The following C2 variants were observed in gnomAD, a reference collection of about 807,000 sequenced individuals.
C2 encodes the protein C3/C5 convertase.
A neutral mutation model predicts 85.2 loss-of-function variants in C2; 64 were observed. That is an observed-to-expected ratio of 0.75 (90% confidence interval 0.61 to 0.92). The LOEUF (loss-of-function observed/expected upper bound fraction) is 0.92, where lower values mean the gene tolerates loss of function less well. C2 is among the 40% of genes least tolerant of loss of function. The pLI is 0.00. For synonymous variants in C2, 311 were observed against 370.8 expected (o/e 0.84, Z 1.85); for missense variants, 820 against 971.6 (o/e 0.84, Z 2.07).
At chr6:31,907,925 CA>C (rs1409879875) in intron 1 of C2, among the ~76,000 whole-genome samples, 3 of 140,462 alleles carry the variant, frequency 2.1e-5, no homozygotes, top group Admixed American at 8.0e-5. Flanking sequence ...CAGCTCACTG[CA>C]ACCTCTGCTT....
upstream of C2, among the ~76,000 whole-genome samples, chr6:31,917,497 G>A (rs1768623056): frequency 1.3e-5 from 2 of 151,974 alleles, no homozygotes; most frequent in South Asian, 2.1e-4. Flanking sequence ...AGAGAGGGAG[G>A]GAGTGTGGGT....
At chr6:31,917,406 C>T (rs1768618056), upstream of C2, among the ~76,000 whole-genome samples, 2 of 151,940 alleles carry the variant, frequency 1.3e-5, no homozygotes, top group African/African-American at 2.4e-5. Context: ...GCCTAATGTT[C>T]TCACTTATAA....
Position 31,907,422 on chromosome 6 carries a change from GA to G in C2, c.73+6295del, listed in dbSNP as rs1330499515. 2.1e-3 allele frequency among the ~76,000 whole-genome samples: 299 copies of G among 141,826 alleles called. 3 individuals carry two copies. Among genetic ancestry groups the G allele is most frequent in the African/African-American group, 5.0e-3 (195 of 38,764 alleles). The allele number at this position is 141,826 out of a possible 152,430, so 93.0% of individuals were successfully genotyped here. The stretch of plus-strand genomic sequence containing the variant: ...GGCAACAAGGCAAAACCCAGTCTCA[GA>G]AAAAAAAAAAATAGCTGTGGGAGGT... On this transcript the variant is annotated intron_variant, in intron 1 of 3. Transcript: ENST00000452202.
At chr6:31,929,596 G>A (rs770089607) in intron 3 of C2, among the ~76,000 whole-genome samples, 1 of 151,508 alleles carries the variant, frequency 6.6e-6, no homozygotes, top group Non-Finnish European at 1.5e-5. Flanking sequence ...GCGCATGCCT[G>A]TAATACCAGC....
intron 6 of C2, chr6:31,934,702 G>A (rs1448040422): frequency 1.7e-6 from 2 of 1,211,982 alleles, no homozygotes; most frequent in Admixed American, 4.1e-5. Flanking sequence ...TCAACATTTT[G>A]TGCAGGCTTT....
chr6:31,898,602 C>T (rs1362362893), upstream of C2, among the ~76,000 whole-genome samples: 1 of 149,102 alleles, frequency 6.7e-6, no homozygotes. Flanking sequence ...CCAGAGCTTT[C>T]TGGGAATTGT....
chr6:31,906,377 G>T (rs751760596), intron 1 of C2, among the ~76,000 whole-genome samples: 1 of 151,578 alleles, frequency 6.6e-6, no homozygotes, highest in Non-Finnish European at 1.5e-5. Context: ...CTAGCTCTTC[G>T]GAGCCCTCTC....
In C2 at chr6:31,944,005, G is replaced by A; in HGVS notation, c.1810+12G>A. 1 of 1,612,320 alleles carries A rather than the reference G, an allele frequency of 6.2e-7. No individual in the cohort carries two copies. The highest frequency in any genetic ancestry group is 1.1e-5 in the South Asian group (1 of 91,062). The stretch of plus-strand genomic sequence containing the variant: ...CTGTAGGGACCATGGTGAGTGCTGG[G>A]ACTTATGGTGCTTGAGAGCTGGGGC... On this transcript the variant is annotated intron_variant, in intron 14 of 17. Transcript: ENST00000299367. This position sits in a 1 kb window ranked among gnomAD's most constrained non-coding sequence, Gnocchi z 5.1.
At chr6:31,913,564 C>T (rs1353081512) in intron 1 of C2, among the ~76,000 whole-genome samples, 1 of 152,010 alleles carries the variant, frequency 6.6e-6, no homozygotes, top group Non-Finnish European at 1.5e-5. Flanking sequence ...CAAGTCTGGG[C>T]AACAAAAGCG....
At chr6:31,915,585 A>G (rs2151719982), upstream of C2, among the ~76,000 whole-genome samples, 1 of 152,192 alleles carries the variant, frequency 6.6e-6, no homozygotes, top group East Asian at 1.9e-4. Flanking sequence ...CAACAGTTTT[A>G]TTTCTCACTA....
chr6:31,898,214 G>GC (rs1766843384), upstream of C2, among the ~76,000 whole-genome samples: 2 of 152,260 alleles, frequency 1.3e-5, no homozygotes, highest in Non-Finnish European at 2.9e-5. Flanking sequence ...GAAAACCTGT[G>GC]GCTAAATGTC....
rs751363286 is a variant in C2, at chr6:31,927,986, G to A, written c.78G>A (p.Gln26=). 3.7e-6 allele frequency: 6 copies of A among 1,614,046 alleles called. No individual in the cohort carries two copies. The South Asian group carries it at 5.5e-5, about 15-fold the overall frequency. The change falls in exon 2 of 18, where the codon CAG becomes CAA. Residue 26 remains glutamine, a synonymous_variant. Coordinates refer to ENST00000299367, the MANE Select transcript of C2 (RefSeq NM_000063.6). This position sits in a 1 kb window ranked among gnomAD's most constrained non-coding sequence, Gnocchi z 4.7. The part of the protein sequence containing the change: ...GLADSAPSCP[Q]NVNISGGTFT... ...CAGACTCGGCTCCCTCCTGCCCTCA[G>A]AACGTGAATATCTCGGGTGGCACCT...
rs779656538 is a variant in C2, at chr6:31,943,977, C to T, written c.1794C>T (p.Ser598=). 1.2e-6 allele frequency: 2 copies of T among 1,612,946 alleles called. No homozygotes were observed. Among genetic ancestry groups the T allele is most frequent in the Non-Finnish European group, 1.7e-6 (2 of 1,179,994 alleles). The change falls in exon 14 of 18, where the codon AGC becomes AGT. Residue 598 remains serine (S), a synonymous_variant. Coordinates refer to ENST00000299367, the MANE Select transcript of C2 (RefSeq NM_000063.6). This position sits in a 1 kb window ranked among gnomAD's most constrained non-coding sequence, Gnocchi z 6.4. Reference sequence around the variant, plus strand: ...TGGCTCTGCGGAGACCTCAAGGCAGCACCTGTAGGGACCATGGTGAGTGCT... The same window carrying T: ...TGGCTCTGCGGAGACCTCAAGGCAGTACCTGTAGGGACCATGGTGAGTGCT... The part of the protein sequence containing the change: ...ANLALRRPQG[S]TCRDHENELL...
Position 31,943,134 on chromosome 6 carries a change from A to T in C2, c.1360+35A>T. 1 of 1,612,748 alleles carries T rather than the reference A, an allele frequency of 6.2e-7. No homozygotes were observed. Among genetic ancestry groups the T allele is most frequent in the South Asian group, 1.1e-5 (1 of 91,074 alleles). Reference sequence around the variant, plus strand: ...CTTTGCCCTCCTTGGTGTGGGGAGGATGGTGAGGAGCCCGCCAGAGGCCCG... The same window carrying T: ...CTTTGCCCTCCTTGGTGTGGGGAGGTTGGTGAGGAGCCCGCCAGAGGCCCG... On this transcript the variant is annotated intron_variant, in intron 10 of 17. Coordinates refer to ENST00000299367, the MANE Select transcript of C2 (RefSeq NM_000063.6). This position sits in a 1 kb window ranked among gnomAD's most constrained non-coding sequence, Gnocchi z 6.4.
chr6:31,906,677 C>T (rs1443101556), intron 1 of C2, among the ~76,000 whole-genome samples: 1 of 151,850 alleles, frequency 6.6e-6, no homozygotes, highest in Non-Finnish European at 1.5e-5. Context: ...AACTGACTTT[C>T]GGGCCTGTGA....
At chr6:31,900,361 G>GC, upstream of C2, 2 of 1,578,496 alleles carry the variant, frequency 1.3e-6, no homozygotes, top group Non-Finnish European at 1.7e-6. The surrounding 1 kb of genome is among the most constrained non-coding windows in gnomAD (Gnocchi z 9.7). Context: ...GTCCCCGGCT[G>GC]CCCCCCGCCC....
At chr6:31,931,880 G>T (rs1769793299) in intron 3 of C2, among the ~76,000 whole-genome samples, 2 of 149,600 alleles carry the variant, frequency 1.3e-5, no homozygotes, top group South Asian at 4.3e-4. Context: ...AGGGCGGCTG[G>T]CCGGGCGGGG....
chr6:31,923,488 AT>A (rs367914510), upstream of C2, among the ~76,000 whole-genome samples: 6 of 148,144 alleles, frequency 4.1e-5, no homozygotes, highest in Admixed American at 6.7e-5. Flanking sequence ...TTTTGTTTTT[AT>A]TTTTTTTTTG....
intron 1 of C2, among the ~76,000 whole-genome samples, chr6:31,902,268 G>C (rs1050183520): frequency 2.1e-4 from 32 of 151,048 alleles, no homozygotes; most frequent in Non-Finnish European, 3.8e-4. Context: ...GTACCTCCAA[G>C]CCCCGCGGCC....
Sources: gnomAD v4.1 joint callset for allele counts (sites outside exome capture counted in the v4.1 genomes callset) on GRCh38, gnomAD v4.1.1 for gene constraint, Gnocchi (gnomAD v3.1) non-coding constraint, MANE v1.5 for transcripts, NCBI Gene and HGNC (gene_info 2026-07-23, HGNC 2026-07-21) for gene names.